Variants in DGCR8 observed in about 807,000 individuals in gnomAD.
DGCR8 encodes microprocessor complex subunit DGCR8.
A neutral mutation model predicts 78.5 loss-of-function variants in DGCR8; 14 were observed. The observed-to-expected ratio is 0.18, with a 90% CI of 0.12 to 0.28. The LOEUF (loss-of-function observed/expected upper bound fraction) is 0.28, where lower values mean the gene tolerates loss of function less well. DGCR8 is among the 10% of genes least tolerant of loss of function. DGCR8 has a pLI of 1.00. For missense variants in DGCR8, 702 were observed against 1,022.5 expected, an observed-to-expected ratio of 0.69 and a Z score of 4.28; for synonymous variants, 399 against 402.4, an observed-to-expected ratio of 0.99 and a Z score of 0.10.
intron 9 of DGCR8, among the ~76,000 whole-genome samples, chr22:20,104,229 A>G (rs1363327464): frequency 2.0e-5 from 3 of 151,058 alleles, no homozygotes; most frequent in East Asian, 1.9e-4. Context: ...CAGTGGCGCA[A>G]TCTTGGCTCA....
intron 1 of DGCR8, among the ~76,000 whole-genome samples, chr22:20,083,423 C>T (rs2049439417): frequency 6.6e-6 from 1 of 151,430 alleles, no homozygotes; most frequent in Admixed American, 6.6e-5. Context: ...GGAACTTGCC[C>T]AGGACTGCCC....
At chr22:20,091,794 G>A (rs1471316005) in intron 6 of DGCR8, 75 bp from the exon 7 acceptor site, 3 of 1,507,930 alleles carry the variant, frequency 2.0e-6, no homozygotes, top group African/African-American at 2.8e-5. Context: ...CCTAGTTACT[G>A]ACATGGTAAC....
At chr22:20,090,401 G>A (rs2049541524) in intron 5 of DGCR8, 143 bp downstream of exon 5, 1 of 1,043,970 alleles carries the variant, frequency 9.6e-7, no homozygotes, top group Admixed American at 3.0e-5. Flanking sequence ...GTGGCTGAAA[G>A]GCTTGTCTTC....
At chr22:20,080,950 G>T (rs1185046937) in intron 1 of DGCR8, among the ~76,000 whole-genome samples, 1 of 152,202 alleles carries the variant, frequency 6.6e-6, no homozygotes, top group Non-Finnish European at 1.5e-5. Context: ...TTGCATGCTT[G>T]CATGTACCTT....
At chr22:20,101,145 GA>G in intron 9 of DGCR8, 1 of 957,162 alleles carries the variant, frequency 1.0e-6, no homozygotes, top group Non-Finnish European at 1.2e-6. Context: ...TAGCACTCAG[GA>G]AATCCTCAGG....
rs1348104823 is a variant in DGCR8, at chr22:20,107,267, G to A, written c.1997-4G>A. On this transcript the variant is annotated splice_polypyrimidine_tract_variant and splice_region_variant and intron_variant, in intron 11 of 13. Transcript: ENST00000351989. ...CTCTCCATGCTTGCTCTTTCTCTGTGTAGGTAAGAACAAGAGAGTTGGAAA... is the reference window on the plus strand; with the variant it reads ...CTCTCCATGCTTGCTCTTTCTCTGTATAGGTAAGAACAAGAGAGTTGGAAA... 46 of 1,614,148 alleles carry A rather than the reference G, an allele frequency of 2.8e-5. No homozygotes were observed. Among genetic ancestry groups the A allele is most frequent in the Non-Finnish European group, 3.9e-5 (46 of 1,180,002 alleles).
Position 20,087,092 on chromosome 22 carries a change from G to T in DGCR8, c.721-70G>T. The T allele has an allele frequency of 3.9e-6, 6 of 1,537,210 alleles. No individual in the cohort carries two copies. The highest frequency in any genetic ancestry group is 5.3e-6 in the Non-Finnish European group (6 of 1,137,212). ...CCTTTCTGTGTCTGTTCTCAGGAATGCTGTTGAGCTCTCCTGTTGCAGGAG... is the reference window on the plus strand; with the variant it reads ...CCTTTCTGTGTCTGTTCTCAGGAATTCTGTTGAGCTCTCCTGTTGCAGGAG... On this transcript the variant is annotated intron_variant, in intron 2 of 13. Coordinates refer to ENST00000351989, the MANE Select transcript of DGCR8 (RefSeq NM_022720.7). The surrounding 1 kb of genome is among the most constrained non-coding windows in gnomAD (Gnocchi z 4.1).
At position 20,110,206 on chromosome 22, in the gene DGCR8, A is replaced by T; in HGVS notation, c.*98A>T. On this transcript the variant is annotated 3_prime_UTR_variant, in exon 14 of 14. Coordinates refer to ENST00000351989, the MANE Select transcript of DGCR8 (RefSeq NM_022720.7). ...CACCACAGTGTCAGGCCTCCAACCC[A>T]CGCTCCTTCCCTGTGGCCAACCTGT... The T allele has an allele frequency of 3.8e-6, 5 of 1,306,866 alleles. No individual in the cohort carries two copies. 81.0% of individuals were successfully genotyped at this position (1,306,866 alleles called of 1,614,324 possible).
At position 20,106,230 on chromosome 22, in the gene DGCR8, G is replaced by A; in HGVS notation, c.1842G>A (p.Lys614=). ...EDSRVYELTS[K]AGLLSPYQIL... ...CGCGGGTCTACGAGCTGACCAGCAA[G>A]GCTGGGCTGTTGTCTCCATATCAGA... The change falls in exon 10 of 14, where the codon AAG becomes AAA. Residue 614 remains lysine (K), a synonymous_variant. Transcript: ENST00000351989. 6.2e-7 allele frequency: 1 copy of A among 1,614,002 alleles called. No individual in the cohort carries two copies. The highest frequency in any genetic ancestry group is 1.1e-5 in the South Asian group (1 of 91,086).
intron 9 of DGCR8, among the ~76,000 whole-genome samples, chr22:20,097,554 G>A (rs2049642946): frequency 6.6e-6 from 1 of 151,948 alleles, no homozygotes; most frequent in Non-Finnish European, 1.5e-5. Context: ...GTAATTTGAG[G>A]CTTTCTTCTT....
In DGCR8 at chr22:20,087,757, C is replaced by G. The variant is rs1231020372; in HGVS notation, c.880+436C>G. On this transcript the variant is annotated intron_variant, in intron 3 of 13. Coordinates refer to ENST00000351989, the MANE Select transcript of DGCR8 (RefSeq NM_022720.7). This position sits in a 1 kb window ranked among gnomAD's most constrained non-coding sequence, Gnocchi z 4.1. ...AGCCACCAGAAGCAAGTGGTGTTAC[C>G]TGATTTTTGTTTAACAACATGGCTT... Among the ~76,000 whole-genome samples, 1 of 152,118 alleles carries G rather than the reference C, an allele frequency of 6.6e-6. No individual in the cohort carries two copies. Among genetic ancestry groups the G allele is most frequent in the African/African-American group, 2.4e-5 (1 of 41,418 alleles).
In DGCR8 at chr22:20,111,076, A is replaced by AT. The variant is rs1568964962; in HGVS notation, c.*970dup. ...GAAGCAAGGGCCTTCAGTGTAGCCC[A>AT]TTCTTGATCCAGAGCTGTTGCCTGT... On this transcript the variant is annotated 3_prime_UTR_variant, in exon 14 of 14. Coordinates refer to ENST00000351989, the MANE Select transcript of DGCR8 (RefSeq NM_022720.7). The AT allele has an allele frequency of 5.0e-6, 2 of 397,944 alleles. No individual in the cohort carries two copies. Among genetic ancestry groups the AT allele is most frequent in the Non-Finnish European group, 8.8e-6 (2 of 226,056 alleles). The allele number at this position is 397,944 out of a possible 1,614,324, so 24.7% of individuals were successfully genotyped here.
intron 1 of DGCR8, 89 bp downstream of exon 1, chr22:20,080,472 CG>C: frequency 1.0e-6 from 1 of 983,726 alleles, no homozygotes; most frequent in African/African-American, 1.8e-5. Flanking sequence ...CGCCTCCCTC[CG>C]GGACCGAGGC....
chr22:20,084,583 C>T (rs1261684687), intron 1 of DGCR8, among the ~76,000 whole-genome samples: 1 of 152,218 alleles, frequency 6.6e-6, no homozygotes, highest in Non-Finnish European at 1.5e-5. Context: ...CCTTCCGTAT[C>T]TGGACCAGTC....
chr22:20,101,263 T>C, intron 9 of DGCR8: 1 of 985,400 alleles, frequency 1.0e-6, no homozygotes, highest in Non-Finnish European at 1.2e-6. Flanking sequence ...AGAAGCTCTT[T>C]GACCCTCTTA....
At position 20,086,146 on chromosome 22, in the gene DGCR8, C is replaced by G. The variant is rs567813359; in HGVS notation, c.183C>G (p.Leu61=). The change falls in exon 2 of 14, where the codon CTC becomes CTG. Residue 61 remains leucine, a synonymous_variant. Coordinates refer to ENST00000351989, the MANE Select transcript of DGCR8 (RefSeq NM_022720.7). This position sits in a 1 kb window ranked among gnomAD's most constrained non-coding sequence, Gnocchi z 6.4. Reference sequence around the variant, plus strand: ...CTGGTGGTGATGGACAGTCCGAACTCCCTGCTGAGGACCCCTTCAACTTCT... The same window carrying G: ...CTGGTGGTGATGGACAGTCCGAACTGCCTGCTGAGGACCCCTTCAACTTCT... The part of the protein sequence containing the change: ...VGSGGDGQSE[L]PAEDPFNFYG... 3.1e-6 allele frequency: 5 copies of G among 1,614,122 alleles called. No homozygotes were observed. In the Admixed American group the frequency reaches 8.3e-5, roughly 27 times the overall value.
At position 20,110,205 on chromosome 22, in the gene DGCR8, C is replaced by T. The variant is rs2049821222; in HGVS notation, c.*97C>T. 3 of 1,313,584 alleles carry T rather than the reference C, an allele frequency of 2.3e-6. No individual in the cohort carries two copies. The highest frequency in any genetic ancestry group is 1.5e-5 in the African/African-American group (1 of 68,776). The allele number at this position is 1,313,584 out of a possible 1,614,324, so 81.4% of individuals were successfully genotyped here. ...GCACCACAGTGTCAGGCCTCCAACC[C>T]ACGCTCCTTCCCTGTGGCCAACCTG... On this transcript the variant is annotated 3_prime_UTR_variant, in exon 14 of 14. Transcript: ENST00000351989.
intron 9 of DGCR8, among the ~76,000 whole-genome samples, chr22:20,104,349 A>G (rs1334967301): frequency 6.6e-6 from 1 of 151,818 alleles, no homozygotes; most frequent in East Asian, 1.9e-4. Context: ...TTGTATTTTT[A>G]GTAGAGACGG....
chr22:20,100,847 G>A (rs926683665), intron 9 of DGCR8: 8 of 983,110 alleles, frequency 8.1e-6, no homozygotes, highest in African/African-American at 3.5e-5. Context: ...TGGAGCTAGC[G>A]TCATATCTCC....
Sources: gnomAD v4.1 joint callset for allele counts (sites outside exome capture counted in the v4.1 genomes callset) on GRCh38, gnomAD v4.1.1 for gene constraint, Gnocchi (gnomAD v3.1) non-coding constraint, MANE v1.5 for transcripts, NCBI Gene and HGNC (gene_info 2026-07-23, HGNC 2026-07-21) for gene names.